Variants in PTPRD observed in about 807,000 individuals in gnomAD.
PTPRD encodes the protein protein tyrosine phosphatase receptor type D.
In PTPRD, 34 loss-of-function variants were observed where a neutral mutation model predicts 214.5. The ratio of observed to expected loss-of-function variants is 0.16; its 90% CI spans 0.12 to 0.21. The LOEUF is 0.21. Among genes scored for constraint, PTPRD ranks in the 10% least tolerant of loss-of-function variants. The pLI is 1.00. For missense variants in PTPRD, 2,545 were observed against 2,398.7 expected (o/e 1.06, Z -1.27); for synonymous variants, 1,128 against 845.7 (o/e 1.33, Z -5.79).
At chr9:10,502,940 G>A (rs373148563) in intron 2 of PTPRD, among the ~76,000 whole-genome samples, 38 of 152,058 alleles carry the variant, frequency 2.5e-4, no homozygotes, top group African/African-American at 9.2e-4. Context: ...GAAAGCCATA[G>A]ATTCAGTATC....
intron 9 of PTPRD, among the ~76,000 whole-genome samples, chr9:9,281,805 C>A (rs1423852411): frequency 6.7e-6 from 1 of 150,196 alleles, no homozygotes; most frequent in East Asian, 2.0e-4. Context: ...CATGAATATT[C>A]GTAACAGCTT....
chr9:9,889,788 A>AGTGTGTGT (rs138586181), intron 5 of PTPRD, among the ~76,000 whole-genome samples: 3 of 146,312 alleles, frequency 2.1e-5, no homozygotes, highest in Admixed American at 1.4e-4. Flanking sequence ...GTTCCTGCTG[A>AGTGTGTGT]GTGTGTGTGT....
intron 9 of PTPRD, among the ~76,000 whole-genome samples, chr9:9,257,413 T>C (rs2099978216): frequency 6.6e-6 from 1 of 152,104 alleles, no homozygotes; most frequent in South Asian, 2.1e-4. Context: ...CCCAAGCTCT[T>C]AGTCATCAAA....
At chr9:9,419,511 G>A (rs912953298) in intron 8 of PTPRD, among the ~76,000 whole-genome samples, 3 of 151,694 alleles carry the variant, frequency 2.0e-5, no homozygotes, top group African/African-American at 7.2e-5. Context: ...ATGTTGGGAA[G>A]GTTTGGGAAA....
intron 7 of PTPRD, among the ~76,000 whole-genome samples, chr9:9,726,612 C>A (rs570996392): frequency 1.3e-5 from 2 of 152,154 alleles, no homozygotes; most frequent in African/African-American, 4.8e-5. Context: ...TCATCTTCCA[C>A]TATTTCTCAT....
intron 9 of PTPRD, among the ~76,000 whole-genome samples, chr9:9,295,442 T>C (rs1280988230): frequency 6.6e-6 from 1 of 151,738 alleles, no homozygotes; most frequent in Non-Finnish European, 1.5e-5. Context: ...AAATATGCAG[T>C]GTAGTTCTAC....
chr9:9,749,812 T>G (rs534504496), intron 6 of PTPRD, among the ~76,000 whole-genome samples: 1 of 152,324 alleles, frequency 6.6e-6, no homozygotes, highest in East Asian at 1.9e-4. Flanking sequence ...TCACGCTTCC[T>G]GTCTCTTTCC....
chr9:8,934,421 GTA>G (rs200706346), intron 11 of PTPRD, among the ~76,000 whole-genome samples: 2,107 of 26,858 alleles, frequency 0.078, 112 homozygotes, highest in East Asian at 0.18. Context: ...GTGTGTGTGT[GTA>G]TATATATATA....
intron 3 of PTPRD, among the ~76,000 whole-genome samples, chr9:10,054,216 T>C (rs2097581993): frequency 6.6e-6 from 1 of 152,182 alleles, no homozygotes. Flanking sequence ...TATGTGGTAA[T>C]GACACAAATG....
chr9:8,384,111 G>A (rs562895833), intron 37 of PTPRD, among the ~76,000 whole-genome samples: 9 of 152,180 alleles, frequency 5.9e-5, no homozygotes, highest in East Asian at 5.8e-4. Context: ...ATCCTACCTC[G>A]GAGATGCCAA....
chr9:8,858,907 C>G (rs570939531), intron 11 of PTPRD, among the ~76,000 whole-genome samples: 1 of 152,264 alleles, frequency 6.6e-6, no homozygotes, highest in East Asian at 1.9e-4. Context: ...ATCCATCCAC[C>G]AGGCCAGAAA....
At chr9:9,477,473 A>G (rs574009948) in intron 8 of PTPRD, among the ~76,000 whole-genome samples, 86 of 152,352 alleles carry the variant, frequency 5.6e-4, no homozygotes, top group Middle Eastern at 3.4e-3. Context: ...GAGGAGGTGT[A>G]GTCACCCCAC....
intron 11 of PTPRD, among the ~76,000 whole-genome samples, chr9:8,992,379 C>T (rs1217614592): frequency 6.6e-6 from 1 of 151,792 alleles, no homozygotes; most frequent in Non-Finnish European, 1.5e-5. Flanking sequence ...TAATTTGTAC[C>T]CTGGTGTGCA....
At chr9:10,128,689 T>A (rs1188230706) in intron 3 of PTPRD, among the ~76,000 whole-genome samples, 1 of 152,136 alleles carries the variant, frequency 6.6e-6, no homozygotes, top group Non-Finnish European at 1.5e-5. Flanking sequence ...TCAATGCCTG[T>A]TTTCTCTCTG....
At chr9:9,017,631 A>G (rs2099541769) in intron 11 of PTPRD, among the ~76,000 whole-genome samples, 1 of 152,200 alleles carries the variant, frequency 6.6e-6, no homozygotes, top group Non-Finnish European at 1.5e-5. Flanking sequence ...GAAACTTGAA[A>G]TAAATCAAGA....
chr9:8,697,821 T>A (rs1433905809), intron 12 of PTPRD, among the ~76,000 whole-genome samples: 1 of 152,058 alleles, frequency 6.6e-6, no homozygotes, highest in African/African-American at 2.4e-5. Context: ...AATGACATTA[T>A]TGGTGGGAAG....
chr9:9,571,642 T>C (rs1256259850), intron 8 of PTPRD, among the ~76,000 whole-genome samples: 1 of 151,178 alleles, frequency 6.6e-6, no homozygotes. Context: ...AATTTTGTTA[T>C]AGTGCTGAAT....
intron 8 of PTPRD, among the ~76,000 whole-genome samples, chr9:9,511,257 G>C (rs2096701287): frequency 6.6e-6 from 1 of 151,638 alleles, no homozygotes; most frequent in Non-Finnish European, 1.5e-5. Flanking sequence ...ATGGTAAAGA[G>C]TACACGTACT....
intron 11 of PTPRD, among the ~76,000 whole-genome samples, chr9:8,982,094 G>A (rs1371965515): frequency 6.6e-6 from 1 of 151,922 alleles, no homozygotes. Context: ...GAAAATAGAG[G>A]TATTTCAAAG....
Sources: allele counts gnomAD v4.1 joint callset (sites outside exome capture counted in the v4.1 genomes callset), GRCh38; gene constraint gnomAD v4.1.1; transcripts MANE v1.5; gene names NCBI Gene and HGNC (gene_info 2026-07-23, HGNC 2026-07-21).